The following ROR1 variants were observed in gnomAD, a reference collection of about 807,000 sequenced individuals.
ROR1 encodes ROR family WNT receptor 1, also known as inactive tyrosine-protein kinase transmembrane receptor ROR1.
In ROR1, 19 loss-of-function variants were observed where a neutral mutation model predicts 78.8. The observed-to-expected ratio is 0.24, with a 90% confidence interval of 0.17 to 0.35. The LOEUF (loss-of-function observed/expected upper bound fraction) is 0.35. Among genes scored for constraint, ROR1 ranks in the 10% least tolerant of loss-of-function variants. ROR1 has a pLI of 1.00. For synonymous variants in ROR1, 386 were observed against 433.6 expected (o/e 0.89, Z 1.36); for missense variants, 917 against 1,177.8 (o/e 0.78, Z 3.24).
In ROR1 at chr1:63,922,357, A is replaced by G. The variant is rs1427529744; in HGVS notation, c.92-86948A>G. 2.6e-5 allele frequency among the ~76,000 whole-genome samples: 4 copies of G among 152,170 alleles called. No homozygotes were observed. In the East Asian group the frequency reaches 7.7e-4, roughly 29 times the overall value. ...GGGTTTGGTTTTGTTTCTCTTTGTA[A>G]AAGGTAAGTCTTTTCAATTTAGTAG... On this transcript the variant is annotated intron_variant, in intron 1 of 8. Coordinates refer to ENST00000371079, the MANE Select transcript of ROR1 (RefSeq NM_005012.4).
intron 1 of ROR1, among the ~76,000 whole-genome samples, chr1:63,982,687 C>T (rs925534812): frequency 6.6e-6 from 1 of 152,116 alleles, no homozygotes. Context: ...AAGATATATG[C>T]TTTCAATACA....
intron 1 of ROR1, among the ~76,000 whole-genome samples, chr1:63,854,457 T>C (rs1197696981): frequency 2.0e-5 from 3 of 152,242 alleles, no homozygotes; most frequent in Non-Finnish European, 4.4e-5. Flanking sequence ...CAGCCAAGTC[T>C]GGAAACAGGG....
intron 1 of ROR1, chr1:63,788,740 G>A (rs1644706897): frequency 2.2e-6 from 1 of 448,644 alleles, no homozygotes; most frequent in Non-Finnish European, 4.3e-6. Flanking sequence ...TTCCTCCTTG[G>A]ACAAGGTCTT....
chr1:63,947,122 T>C (rs958979923), intron 1 of ROR1, among the ~76,000 whole-genome samples: 7 of 152,176 alleles, frequency 4.6e-5, no homozygotes, highest in Admixed American at 4.6e-4. Context: ...GGTTCCACGG[T>C]GATTGGCGTC....
chr1:64,169,192 G>T (rs1650170250), intron 8 of ROR1, among the ~76,000 whole-genome samples: 1 of 152,210 alleles, frequency 6.6e-6, no homozygotes, highest in Non-Finnish European at 1.5e-5. Context: ...TCTAATTTTA[G>T]TAGGGCCAGG....
At chr1:63,907,848 C>T (rs1326502612) in intron 1 of ROR1, among the ~76,000 whole-genome samples, 1 of 152,132 alleles carries the variant, frequency 6.6e-6, no homozygotes, top group East Asian at 1.9e-4. Flanking sequence ...ACTAGCAAAT[C>T]TTAGGTCTTG....
intron 1 of ROR1, among the ~76,000 whole-genome samples, chr1:64,002,716 A>T (rs1276485324): frequency 6.6e-6 from 1 of 152,196 alleles, no homozygotes; most frequent in Non-Finnish European, 1.5e-5. Context: ...GGAAAAAAAA[A>T]GGCATTTAAG....
chr1:63,974,147 GA>G (rs1646139617), intron 1 of ROR1, among the ~76,000 whole-genome samples: 1 of 152,156 alleles, frequency 6.6e-6, no homozygotes, highest in African/African-American at 2.4e-5. Flanking sequence ...GTAGAATGGG[GA>G]AAATTCAAGT....
chr1:63,878,432 G>A (rs540406394), intron 1 of ROR1, among the ~76,000 whole-genome samples: 3 of 152,180 alleles, frequency 2.0e-5, no homozygotes, highest in African/African-American at 7.2e-5. Flanking sequence ...GCAGTCTCCT[G>A]ACGGTCTCTG....
chr1:64,078,475 T>C (rs2885049), intron 4 of ROR1, among the ~76,000 whole-genome samples: 49,320 of 152,058 alleles, frequency 0.32, 9,804 homozygotes, highest in East Asian at 0.59. Context: ...AGAGCTAAGA[T>C]GTCGAGGAAG....
At chr1:64,156,824 A>T (rs1206753254) in intron 7 of ROR1, among the ~76,000 whole-genome samples, 5 of 152,070 alleles carry the variant, frequency 3.3e-5, no homozygotes, top group Non-Finnish European at 5.9e-5. Flanking sequence ...AACAAGAGGA[A>T]CCCTACTATG....
At chr1:64,063,889 A>T (rs887439583) in intron 4 of ROR1, among the ~76,000 whole-genome samples, 9 of 152,168 alleles carry the variant, frequency 5.9e-5, no homozygotes, top group African/African-American at 2.2e-4. Context: ...CCATGCAACC[A>T]GATAGGACCC....
At position 63,948,437 on chromosome 1, in the gene ROR1, T is replaced by C. The variant is rs1645908350; in HGVS notation, c.92-60868T>C. ...GAGTTTCTTTTCCTGATAACTGATATTGATAATATTATGGGAAATCTGATA... is the reference window on the plus strand; with the variant it reads ...GAGTTTCTTTTCCTGATAACTGATACTGATAATATTATGGGAAATCTGATA... On this transcript the variant is annotated intron_variant, in intron 1 of 8. Transcript: ENST00000371079. Among the ~76,000 whole-genome samples, 6 of 152,074 alleles carry C rather than the reference T, an allele frequency of 3.9e-5. No homozygotes were observed. The South Asian group carries it at 1.2e-3, about 32-fold the overall frequency.
chr1:64,016,732 A>ATT (rs1265865962), intron 2 of ROR1, among the ~76,000 whole-genome samples: 23 of 84,796 alleles, frequency 2.7e-4, no homozygotes, highest in African/African-American at 8.9e-4. Flanking sequence ...TTAAAATATA[A>ATT]TTATATATAT....
intron 1 of ROR1, among the ~76,000 whole-genome samples, chr1:63,894,218 C>T (rs1183202791): frequency 6.6e-6 from 1 of 152,040 alleles, no homozygotes. Context: ...CAGGATGGAG[C>T]AGGATGGCCC....
intron 1 of ROR1, among the ~76,000 whole-genome samples, chr1:63,991,032 C>T (rs1358766636): frequency 1.3e-5 from 2 of 152,166 alleles, no homozygotes; most frequent in Non-Finnish European, 2.9e-5. Flanking sequence ...GATCCTCCTG[C>T]CTCAGGCTCC....
At chr1:63,833,030 G>A (rs1644998368) in intron 1 of ROR1, among the ~76,000 whole-genome samples, 1 of 152,194 alleles carries the variant, frequency 6.6e-6, no homozygotes, top group Non-Finnish European at 1.5e-5. Context: ...CAAGAAAGTA[G>A]TAGTGTGTTC....
At chr1:64,155,576 C>T (rs561759727) in intron 7 of ROR1, among the ~76,000 whole-genome samples, 1 of 152,290 alleles carries the variant, frequency 6.6e-6, no homozygotes, top group Admixed American at 6.5e-5. Context: ...TCCTGCAGAC[C>T]TACAGGGGGA....
At chr1:64,106,434 A>G (rs944890244) in intron 4 of ROR1, 5 of 152,102 alleles carry the variant, frequency 3.3e-5, no homozygotes, top group African/African-American at 9.7e-5. Context: ...CTCTCTTCCT[A>G]TTAGAATATG....
Sources: gnomAD v4.1 joint callset for allele counts (sites outside exome capture counted in the v4.1 genomes callset) on GRCh38, gnomAD v4.1.1 for gene constraint, MANE v1.5 for transcripts, NCBI Gene and HGNC (gene_info 2026-07-23, HGNC 2026-07-21) for gene names.